The following CALD1 variants were observed in gnomAD, a reference collection of about 807,000 sequenced individuals.
CALD1 encodes the protein caldesmon.
In CALD1, 33 loss-of-function variants were observed where a neutral mutation model predicts 99.9. The observed-to-expected ratio is 0.33, with a 90% CI of 0.25 to 0.44. The LOEUF is 0.44. Ranked by LOEUF, CALD1 falls within the 20% of genes least tolerant of loss-of-function variation. CALD1 has a pLI of 1.00. For synonymous variants in CALD1, 310 were observed against 325.0 expected (o/e 0.95, Z 0.50); for missense variants, 861 against 962.1 (o/e 0.89, Z 1.39).
At chr7:134,856,682 A>C (rs1464217875) in intron 2 of CALD1, among the ~76,000 whole-genome samples, 2 of 147,048 alleles carry the variant, frequency 1.4e-5, no homozygotes, top group Non-Finnish European at 3.0e-5. Context: ...TTAAATGCCT[A>C]ATACTCCTCT....
rs150315139 is a variant in CALD1 at position 134,890,197 on chromosome 7, G to A, written c.71+22393G>A. Among the ~76,000 whole-genome samples, 288 of 152,254 alleles carry A rather than the reference G, an allele frequency of 1.9e-3. 1 individual carries two copies. Among genetic ancestry groups the A allele is most frequent in the African/African-American group, 6.5e-3 (271 of 41,534 alleles). On this transcript the variant is annotated intron_variant, in intron 3 of 14. Transcript: ENST00000361675. Reference sequence around the variant, plus strand: ...TGGGATTACAGGCATGAGCCACCTCGCCTGGCCTATAAACTACGACTCTGA... The same window carrying A: ...TGGGATTACAGGCATGAGCCACCTCACCTGGCCTATAAACTACGACTCTGA...
At position 134,960,573 on chromosome 7, in the gene CALD1, A is replaced by G. The variant is rs774093767; in HGVS notation, c.2240A>G (p.Asn747Ser). The change falls in exon 13 of 15, where the codon AAT becomes AGT. Residue 747 changes from asparagine to serine, a missense_variant. Coordinates refer to ENST00000361675, the MANE Select transcript of CALD1 (RefSeq NM_033138.4). ...AAGGTAGGGGTTTCTAGCCGCATCA[A>G]TGAATGGCTAACTAAAACCCCAGAT... The part of the protein sequence containing the change: ...GLKVGVSSRI[N>S]EWLTKTPDGN... The G allele has an allele frequency of 1.2e-5, 19 of 1,613,716 alleles. No homozygotes were observed. Among genetic ancestry groups the G allele is most frequent in the Non-Finnish European group, 1.5e-5 (18 of 1,179,730 alleles).
intron 1 of CALD1, among the ~76,000 whole-genome samples, chr7:134,812,410 T>C (rs1246751383): frequency 2.0e-5 from 3 of 152,140 alleles, no homozygotes; most frequent in East Asian, 3.9e-4. Context: ...TGGGGTTTAA[T>C]TGATTTTGTG....
intron 2 of CALD1, among the ~76,000 whole-genome samples, chr7:134,847,172 G>T (rs1586095918): frequency 6.6e-6 from 1 of 152,184 alleles, no homozygotes; most frequent in African/African-American, 2.4e-5. Flanking sequence ...AACCACTGTG[G>T]GCCAGTATTT....
At chr7:134,844,802 C>A (rs57644226) in intron 2 of CALD1, among the ~76,000 whole-genome samples, 15,154 of 152,158 alleles carry the variant, frequency 0.1, 827 homozygotes, top group Non-Finnish European at 0.11. Context: ...GTCCTCTCTC[C>A]GGGCACACAC....
Position 134,933,230 on chromosome 7 carries a change from A to G in CALD1, c.461A>G (p.Glu154Gly). The G allele has an allele frequency of 6.2e-7, 1 of 1,610,232 alleles. No homozygotes were observed. Among genetic ancestry groups the G allele is most frequent in the Non-Finnish European group, 8.5e-7 (1 of 1,178,836 alleles). Residue 154 changes from glutamate to glycine, a missense_variant, in exon 5 of 15, where the codon GAA (glutamate) becomes GGA (glycine). This residue lies in a region of CALD1 where 234 missense variants were observed against 233.1 expected (regional missense o/e 1.00). Transcript: ENST00000361675. ...NETTEKEEKS[E>G]SRQERYEIEE... is the part of the protein sequence containing the mutation. Reference sequence around the variant, plus strand: ...ACTACCGAGAAGGAAGAAAAAAGTGAAAGTCGCCAAGAAAGATACGAGATA... The same window carrying G: ...ACTACCGAGAAGGAAGAAAAAAGTGGAAGTCGCCAAGAAAGATACGAGATA...
intron 1 of CALD1, among the ~76,000 whole-genome samples, chr7:134,774,553 G>T (rs531603170): frequency 1.3e-5 from 2 of 152,314 alleles, no homozygotes; most frequent in African/African-American, 4.8e-5. Flanking sequence ...ATGCTCACCT[G>T]GTTGTGTGGG....
At chr7:134,897,986 A>G (rs1315917360) in intron 3 of CALD1, among the ~76,000 whole-genome samples, 1 of 152,028 alleles carries the variant, frequency 6.6e-6, no homozygotes, top group Non-Finnish European at 1.5e-5. Flanking sequence ...ATAAGCCTCC[A>G]CTATCTCGGC....
At chr7:134,720,282 C>T in the CALD1 span, among the ~76,000 whole-genome samples, 2 of 151,576 alleles carry the variant, frequency 1.3e-5, no homozygotes, top group South Asian at 4.2e-4. Context: ...GAATGGGCCC[C>T]TTGTTCTGAT....
intron 13 of CALD1, chr7:134,961,847 T>A (rs1768847560): frequency 6.6e-6 from 1 of 152,108 alleles, no homozygotes. Context: ...TTTCCAAGCA[T>A]CTCTGGTAAC....
chr7:134,825,569 T>C (rs1330972043), intron 1 of CALD1, among the ~76,000 whole-genome samples: 1 of 152,190 alleles, frequency 6.6e-6, no homozygotes, highest in Non-Finnish European at 1.5e-5. Context: ...TTATGTATAT[T>C]TTCCCAGAAA....
chr7:134,837,576 C>T (rs1420375193), intron 1 of CALD1, among the ~76,000 whole-genome samples: 4 of 152,042 alleles, frequency 2.6e-5, no homozygotes, highest in East Asian at 1.9e-4. Context: ...CTCAAATTCC[C>T]GACCTTGTGA....
chr7:134,958,289 A>G lies in CALD1; in HGVS notation c.2060A>G (p.Glu687Gly). ...CTGGAGCAGTATACCAGTGCAATTG[A>G]GGTGAGAATTGTCCTCAGCGTTATG... is the stretch of plus-strand genomic sequence containing the variant. ...SRLEQYTSAI[E>G]GTKSAKPTKP... Residue 687 changes from glutamate to glycine, a missense_variant and splice_region_variant, in exon 11 of 15, where the codon GAG becomes GGG. Glu to Gly is a moderately conservative substitution (Grantham distance 98). Transcript: ENST00000361675. 6.2e-7 allele frequency: 1 copy of G among 1,612,540 alleles called. No individual in the cohort carries two copies. Among genetic ancestry groups the G allele is most frequent in the Non-Finnish European group, 8.5e-7 (1 of 1,178,634 alleles).
chr7:134,916,961 C>A (rs539269295), intron 3 of CALD1, among the ~76,000 whole-genome samples: 1 of 152,308 alleles, frequency 6.6e-6, no homozygotes, highest in East Asian at 1.9e-4. Flanking sequence ...TCTTCAGATA[C>A]GAAAATAATG....
intron 12 of CALD1, chr7:134,960,317 A>G (rs1808164774): frequency 1.5e-6 from 1 of 677,196 alleles, no homozygotes; most frequent in Non-Finnish European, 2.5e-6. Context: ...TCTTACTCCA[A>G]ATAAAGTGCC....
chr7:134,926,297 T>C (rs1282761530), intron 3 of CALD1, among the ~76,000 whole-genome samples: 1 of 152,224 alleles, frequency 6.6e-6, no homozygotes, highest in Non-Finnish European at 1.5e-5. Context: ...CTTTAAAAGG[T>C]TAATCAAAGG....
chr7:134,854,603 C>T (rs1188308412), intron 2 of CALD1, among the ~76,000 whole-genome samples: 1 of 152,174 alleles, frequency 6.6e-6, no homozygotes, highest in Non-Finnish European at 1.5e-5. Context: ...ATGGGCTAAA[C>T]TAACCATCTC....
intron 2 of CALD1, among the ~76,000 whole-genome samples, chr7:134,861,846 C>G (rs1349720213): frequency 6.6e-6 from 1 of 151,978 alleles, no homozygotes; most frequent in Non-Finnish European, 1.5e-5. Flanking sequence ...CTTGCGAGAG[C>G]AGAGAAATGA....
chr7:134,753,331 A>G (rs1796701408), intron 1 of CALD1, among the ~76,000 whole-genome samples: 1 of 151,962 alleles, frequency 6.6e-6, no homozygotes, highest in African/African-American at 2.4e-5. Flanking sequence ...CTCATCTGCT[A>G]AAAAAAATCA....
Sources: allele counts gnomAD v4.1 joint callset (sites outside exome capture counted in the v4.1 genomes callset), GRCh38; gene constraint gnomAD v4.1.1; regional missense constraint gnomAD v4.1.1; transcripts MANE v1.5; gene names NCBI Gene and HGNC (gene_info 2026-07-23, HGNC 2026-07-21).